The following LIG1 variants were observed in gnomAD, a reference collection of about 807,000 sequenced individuals.
LIG1 encodes ligase I, DNA, ATP-dependent.
A neutral mutation model predicts 115.7 loss-of-function variants in LIG1; 70 were observed. That is an observed-to-expected ratio of 0.60 (90% CI 0.50 to 0.74). The LOEUF is 0.74. LIG1 is among the 30% of genes least tolerant of loss of function. The pLI is 0.00. For missense variants in LIG1, 1,115 were observed against 1,225.6 expected (o/e 0.91, Z 1.35); for synonymous variants, 487 against 495.3 (o/e 0.98, Z 0.22).
chr19:48,120,257 G>C (rs937321255), intron 24 of LIG1: 18 of 985,272 alleles, frequency 1.8e-5, no homozygotes, highest in Non-Finnish European at 2.2e-5. Context: ...CACAGCACTT[G>C]AAAACTCTTG....
chr19:48,162,433 C>CTTTTT, intron 2 of LIG1, 82 bp from the exon 3 acceptor site: 12 of 631,996 alleles, frequency 1.9e-5, no homozygotes, highest in Admixed American at 3.0e-5. Context: ...CTATAACTTC[C>CTTTTT]TTTTTTTTTT....
At chr19:48,165,042 C>G (rs1013474043) in intron 2 of LIG1, among the ~76,000 whole-genome samples, 2 of 152,168 alleles carry the variant, frequency 1.3e-5, no homozygotes, top group African/African-American at 2.4e-5. Flanking sequence ...GGGCGGATCA[C>G]GAGGTCAGGA....
At chr19:48,164,983 G>T (rs1483152477) in intron 2 of LIG1, among the ~76,000 whole-genome samples, 1 of 152,200 alleles carries the variant, frequency 6.6e-6, no homozygotes, top group African/African-American at 2.4e-5. Context: ...GACACTGGCC[G>T]GGCGCCGTGG....
At chr19:48,162,449 T>G (rs2036237072) in intron 2 of LIG1, 98 bp from the exon 3 acceptor site, 1 of 912,204 alleles carries the variant, frequency 1.1e-6, no homozygotes, top group Non-Finnish European at 1.7e-6. Context: ...TTTTTTTTTT[T>G]TTGAGACAGA....
chr19:48,149,212 G>A (rs915893846), intron 9 of LIG1, among the ~76,000 whole-genome samples: 2 of 152,178 alleles, frequency 1.3e-5, no homozygotes, highest in African/African-American at 4.8e-5. Flanking sequence ...TGGGAGAATC[G>A]CTTGAACCTG....
chr19:48,123,120 G>C, intron 22 of LIG1, 54 bp downstream of exon 22: 1 of 1,613,002 alleles, frequency 6.2e-7, no homozygotes, highest in Non-Finnish European at 8.5e-7. Context: ...CAGGCTGGGA[G>C]GCCGGGGTCA....
chr19:48,142,335 C>T (rs1022117845), intron 11 of LIG1, among the ~76,000 whole-genome samples: 12 of 150,536 alleles, frequency 8.0e-5, no homozygotes, highest in Middle Eastern at 3.2e-3. Flanking sequence ...CCCAGCTACT[C>T]GGGAGGCTGA....
chr19:48,128,508 C>T (rs760618698), intron 19 of LIG1, among the ~76,000 whole-genome samples: 18 of 152,330 alleles, frequency 1.2e-4, no homozygotes, highest in African/African-American at 4.1e-4. Flanking sequence ...CAGCCTGGGT[C>T]GTCCCTCGCC....
chr19:48,156,438 A>T (rs2035842919), intron 5 of LIG1, among the ~76,000 whole-genome samples: 1 of 152,172 alleles, frequency 6.6e-6, no homozygotes, highest in Admixed American at 6.5e-5. Flanking sequence ...AGCAGCGTAC[A>T]CGTGTTATCT....
intron 2 of LIG1, 81 bp downstream of exon 2, chr19:48,165,469 T>C (rs1599890711): frequency 1.7e-6 from 2 of 1,151,524 alleles, no homozygotes; most frequent in East Asian, 4.7e-5. Flanking sequence ...GTTTGTTTGT[T>C]TGTTTTTTTA....
chr19:48,153,647 C>T (rs2035616788), intron 6 of LIG1, among the ~76,000 whole-genome samples: 1 of 123,752 alleles, frequency 8.1e-6, no homozygotes, highest in Non-Finnish European at 1.7e-5. Context: ...AACACACACA[C>T]ACACACACAC....
chr19:48,142,739 G>A (rs1461834496), intron 11 of LIG1, among the ~76,000 whole-genome samples: 1 of 152,088 alleles, frequency 6.6e-6, no homozygotes, highest in Non-Finnish European at 1.5e-5. Flanking sequence ...TGCCTCCTGG[G>A]TTCAAGTGAT....
chr19:48,165,801 A>T (rs2123076799), intron 1 of LIG1, 178 bp from the exon 2 acceptor site: 1 of 639,266 alleles, frequency 1.6e-6, no homozygotes, highest in South Asian at 1.7e-5. Context: ...TTACTGGTGC[A>T]GAATAAAAGC....
chr19:48,118,657 G>A (rs767867690), intron 25 of LIG1, among the ~76,000 whole-genome samples: 2 of 147,306 alleles, frequency 1.4e-5, no homozygotes, highest in Admixed American at 7.0e-5. Flanking sequence ...TTCTGCCTCA[G>A]CCTCCCAAGT....
intron 21 of LIG1, among the ~76,000 whole-genome samples, chr19:48,126,125 G>T (rs2033653055): frequency 6.6e-6 from 1 of 151,874 alleles, no homozygotes; most frequent in Admixed American, 6.6e-5. Context: ...TAAAGCACCT[G>T]CCACTGTTAG....
Position 48,150,105 on chromosome 19 carries a change from G to A in LIG1, c.680C>T (p.Thr227Met), listed in dbSNP as rs760552864. Residue 227 changes from threonine to methionine, a missense_variant, in exon 8 of 28, where the codon ACG becomes ATG. Coordinates refer to ENST00000263274, the MANE Select transcript of LIG1 (RefSeq NM_000234.3). Reference sequence around the variant, plus strand: ...AAACTCACTGAAGAAGCTGCTGAGCGTCTTGGGAGCTCTGCGGGGAGGCTT... The same window carrying A: ...AAACTCACTGAAGAAGCTGCTGAGCATCTTGGGAGCTCTGCGGGGAGGCTT... Reference protein sequence around the residue: ...QTKPPRRAPKTLSSFFTPRKP... With the variant: ...QTKPPRRAPKMLSSFFTPRKP... The A allele has an allele frequency of 1.4e-5, 22 of 1,614,090 alleles. No individual in the cohort carries two copies. In the Admixed American group the frequency reaches 1.5e-4, roughly 11 times the overall value.
chr19:48,153,685 CACACA>C (rs1568538274), intron 6 of LIG1, among the ~76,000 whole-genome samples, 182 bp downstream of exon 6: 23 of 132,354 alleles, frequency 1.7e-4, no homozygotes, highest in African/African-American at 4.8e-4. Flanking sequence ...CACACACACA[CACACA>C]CCTCTCCTTC....
intron 9 of LIG1, among the ~76,000 whole-genome samples, chr19:48,144,262 G>A (rs1349479203): frequency 3.9e-5 from 6 of 152,202 alleles, no homozygotes. Context: ...GGTCAGGGAA[G>A]GCCGGAGACA....
intron 2 of LIG1, among the ~76,000 whole-genome samples, chr19:48,163,129 G>A (rs945771663): frequency 2.0e-5 from 3 of 151,652 alleles, no homozygotes; most frequent in African/African-American, 7.3e-5. Context: ...TGTTGGCCAG[G>A]CCAGTCTCAA....
Sources: gnomAD v4.1 joint callset for allele counts (sites outside exome capture counted in the v4.1 genomes callset) on GRCh38, gnomAD v4.1.1 for gene constraint, MANE v1.5 for transcripts, NCBI Gene and HGNC (gene_info 2026-07-23, HGNC 2026-07-21) for gene names.